The following SLC35F1 variants were observed in gnomAD, a reference collection of about 807,000 sequenced individuals.
SLC35F1 encodes the protein chromosome 6 open reading frame 169.
SLC35F1 carries 14 observed loss-of-function variants against 48.7 expected under a neutral mutation model. The observed-to-expected ratio is 0.29, with a 90% CI of 0.19 to 0.45. The LOEUF is 0.45. SLC35F1 is among the 20% of genes least tolerant of loss of function. SLC35F1 has a pLI of 1.00. For synonymous variants in SLC35F1, 190 were observed against 202.2 expected (o/e 0.94, Z 0.51); for missense variants, 404 against 500.0 (o/e 0.81, Z 1.83).
rs529491929 is a variant in SLC35F1 at position 118,066,880 on chromosome 6, A to G, written c.174-87565A>G. Among the ~76,000 whole-genome samples, 7 of 151,988 alleles carry G rather than the reference A, an allele frequency of 4.6e-5. No individual in the cohort carries two copies. The South Asian group carries it at 1.2e-3, about 27-fold the overall frequency. On this transcript the variant is annotated intron_variant, in intron 1 of 7. Transcript: ENST00000360388. ...CAACCAAGCTATTCACTTAAAATGC[A>G]GATTACCAGACCATGACTCCTTCAC...
chr6:117,968,742 G>C lies in SLC35F1; in HGVS notation c.173+60843G>C, dbSNP rs1429202672. 2.6e-5 allele frequency among the ~76,000 whole-genome samples: 4 copies of C among 152,260 alleles called. No individual in the cohort carries two copies. The East Asian group carries it at 5.8e-4, about 22-fold the overall frequency. On this transcript the variant is annotated intron_variant, in intron 1 of 7. Transcript: ENST00000360388. ...GAAACATCTATGGTATAAACCTGCTGTTTCTGGGTCCCTGAGATTCTGATT... is the reference window on the plus strand; with the variant it reads ...GAAACATCTATGGTATAAACCTGCTCTTTCTGGGTCCCTGAGATTCTGATT...
intron 1 of SLC35F1, among the ~76,000 whole-genome samples, chr6:118,102,359 T>A (rs983745973): frequency 6.6e-6 from 1 of 151,958 alleles, no homozygotes; most frequent in Non-Finnish European, 1.5e-5. Context: ...AAGTTTTAAA[T>A]TTTTTTTAGA....
intron 4 of SLC35F1, among the ~76,000 whole-genome samples, chr6:118,271,550 A>G (rs1317141826): frequency 6.6e-6 from 1 of 152,138 alleles, no homozygotes; most frequent in African/African-American, 2.4e-5. Context: ...ATTTTCAGGA[A>G]CTGCACTGAT....
chr6:118,216,831 A>G (rs1394096089), intron 2 of SLC35F1, among the ~76,000 whole-genome samples: 3 of 152,190 alleles, frequency 2.0e-5, no homozygotes, highest in South Asian at 2.1e-4. Context: ...ACTTCAGCTC[A>G]ATGCAAAACA....
intron 1 of SLC35F1, among the ~76,000 whole-genome samples, chr6:118,146,806 A>C (rs1437913067): frequency 6.6e-6 from 1 of 152,166 alleles, no homozygotes; most frequent in Non-Finnish European, 1.5e-5. Flanking sequence ...CAGAGTTTGC[A>C]CATAATAAAT....
intron 1 of SLC35F1, among the ~76,000 whole-genome samples, chr6:118,084,689 G>A (rs1305155709): frequency 6.6e-6 from 1 of 152,040 alleles, no homozygotes; most frequent in Non-Finnish European, 1.5e-5. Context: ...AGCAATGAGG[G>A]TATGCTGAAT....
chr6:118,188,334 G>A (rs1356570754), intron 2 of SLC35F1, among the ~76,000 whole-genome samples: 2 of 152,136 alleles, frequency 1.3e-5, no homozygotes, highest in African/African-American at 2.4e-5. Flanking sequence ...TGGATCACCC[G>A]AAGACAGGCG....
At chr6:118,125,428 A>T (rs966516806) in intron 1 of SLC35F1, among the ~76,000 whole-genome samples, 1 of 151,898 alleles carries the variant, frequency 6.6e-6, no homozygotes, top group African/African-American at 2.4e-5. Flanking sequence ...TGTGATATGT[A>T]GTTATTTATT....
chr6:118,203,133 G>A (rs1184112905), intron 2 of SLC35F1, among the ~76,000 whole-genome samples: 2 of 152,198 alleles, frequency 1.3e-5, no homozygotes, highest in Non-Finnish European at 2.9e-5. Flanking sequence ...ACTGAGTTGA[G>A]AGTTTCCACG....
intron 3 of SLC35F1, among the ~76,000 whole-genome samples, chr6:118,241,020 AT>A (rs1775433325): frequency 6.6e-6 from 1 of 152,202 alleles, no homozygotes; most frequent in Admixed American, 6.5e-5. Context: ...TTCAAAGACC[AT>A]TGTGGCTGGT....
intron 2 of SLC35F1, among the ~76,000 whole-genome samples, chr6:118,179,722 T>C (rs1774543587): frequency 6.6e-6 from 1 of 152,098 alleles, no homozygotes; most frequent in Non-Finnish European, 1.5e-5. Context: ...TGAATATTTT[T>C]TAAAGGCTTT....
intron 2 of SLC35F1, among the ~76,000 whole-genome samples, chr6:118,212,723 AAGGAAAGGAAGGAAGGAAGG>A (rs1562327005): frequency 2.5e-5 from 3 of 118,646 alleles, no homozygotes; most frequent in African/African-American, 6.7e-5. Flanking sequence ...GGAAGGAAGG[AAGGAAAGGAAGGAAGGAAGG>A]AAGGAAGGAA....
chr6:118,267,776 C>A (rs1040390942), intron 4 of SLC35F1, among the ~76,000 whole-genome samples: 2 of 152,110 alleles, frequency 1.3e-5, no homozygotes. Context: ...AGTTTATAAA[C>A]CCATAAGGTA....
chr6:118,299,435 G>A (rs1373345880), intron 7 of SLC35F1, among the ~76,000 whole-genome samples: 12 of 152,130 alleles, frequency 7.9e-5, no homozygotes, highest in Non-Finnish European at 1.5e-4. Flanking sequence ...GTCAGATGAA[G>A]CCTAGAGATC....
chr6:117,953,550 T>C (rs9387524), intron 1 of SLC35F1, among the ~76,000 whole-genome samples: 89,597 of 151,964 alleles, frequency 0.59, 28,684 homozygotes, highest in South Asian at 0.82. Context: ...TACCAATCCC[T>C]GAAAAAATCA....
intron 2 of SLC35F1, among the ~76,000 whole-genome samples, chr6:118,174,771 A>C: frequency 6.6e-6 from 1 of 152,164 alleles, no homozygotes; most frequent in East Asian, 1.9e-4. Flanking sequence ...AAAAAACAAA[A>C]AGAAAAAGAA....
chr6:118,026,750 C>T (rs1405835968), intron 1 of SLC35F1, among the ~76,000 whole-genome samples: 1 of 152,144 alleles, frequency 6.6e-6, no homozygotes, highest in Non-Finnish European at 1.5e-5. Flanking sequence ...GATGAAAAAA[C>T]TAAAAGATTT....
At chr6:118,043,814 C>T (rs1772262119) in intron 1 of SLC35F1, among the ~76,000 whole-genome samples, 1 of 152,150 alleles carries the variant, frequency 6.6e-6, no homozygotes, top group African/African-American at 2.4e-5. Context: ...AAGAAATGTT[C>T]TAAAGTTTTT....
intron 1 of SLC35F1, among the ~76,000 whole-genome samples, chr6:118,039,799 G>GTTTTTTTTTTTTTTTTTTTTTTT (rs149879230): frequency 2.8e-5 from 3 of 106,856 alleles, no homozygotes; most frequent in Admixed American, 1.1e-4. Context: ...TCTCAGGATT[G>GTTTTTTTTTTTTTTTTTTTTTTT]TTTTTTTTGT....
Sources: gnomAD v4.1 joint callset for allele counts (sites outside exome capture counted in the v4.1 genomes callset) on GRCh38, gnomAD v4.1.1 for gene constraint, MANE v1.5 for transcripts, NCBI Gene and HGNC (gene_info 2026-07-23, HGNC 2026-07-21) for gene names.